ULK2: variants seen among roughly 807,000 people sequenced by gnomAD.
The protein encoded by ULK2 is serine/threonine-protein kinase ULK2.
ULK2 carries 76 observed loss-of-function variants against 127.5 expected under a neutral mutation model. That is an observed-to-expected ratio of 0.60 (90% CI 0.50 to 0.72). The LOEUF (loss-of-function observed/expected upper bound fraction) is 0.72, where lower values mean the gene tolerates loss of function less well. Among genes scored for constraint, ULK2 ranks in the 30% least tolerant of loss-of-function variants. The pLI, the probability that ULK2 is intolerant of heterozygous loss-of-function variation, is 0.00. For missense variants in ULK2, 1,144 were observed against 1,295.9 expected (o/e 0.88, Z 1.80); for synonymous variants, 452 against 461.9 (o/e 0.98, Z 0.28).
chr17:19,780,577 T>C lies in ULK2; in HGVS notation c.2811A>G (p.Lys937=), dbSNP rs946523510. 1 of 1,613,924 alleles carries C rather than the reference T, an allele frequency of 6.2e-7. No homozygotes were observed. The highest frequency in any genetic ancestry group is 8.5e-7 in the Non-Finnish European group (1 of 1,179,940). Residue 937 remains lysine, a synonymous_variant, in exon 25 of 27, where the codon AAA becomes AAG. Coordinates refer to ENST00000395544, the MANE Select transcript of ULK2 (RefSeq NM_014683.4). ...RYKFCITMCK[K]LTEKLNRFFS... ...AGAATCGATTCAGCTTTTCTGTAAG[T>C]TTCTTGCACATGGTGATGCAGAATT...
At position 19,854,804 on chromosome 17, in the gene ULK2, TATATTA is replaced by T. The variant is rs200508751; in HGVS notation, c.226-5036_226-5031del. Reference sequence around the variant, plus strand: ...AAATTCTACCATGTAGGAACTTCCATATATTAAAGACACGGCGGGGGCATGGTGGCT... The same window carrying T: ...AAATTCTACCATGTAGGAACTTCCATAAGACACGGCGGGGGCATGGTGGCT... On this transcript the variant is annotated intron_variant, in intron 3 of 26. Coordinates refer to ENST00000395544, the MANE Select transcript of ULK2 (RefSeq NM_014683.4). Among the ~76,000 whole-genome samples the T allele has an allele frequency of 4.8e-3, 723 of 152,164 alleles. 22 individuals are homozygous for T. In the East Asian group the frequency reaches 0.088, roughly 18 times the overall value.
At chr17:19,790,744 C>T (rs1483787060) in intron 20 of ULK2, among the ~76,000 whole-genome samples, 6 of 152,170 alleles carry the variant, frequency 3.9e-5, no homozygotes, top group Non-Finnish European at 8.8e-5. Context: ...ATAAGCCCCA[C>T]CTATCTGGTG....
At position 19,867,455 on chromosome 17, in the gene ULK2, G is replaced by C; in HGVS notation, c.-38C>G. 1 of 1,540,672 alleles carries C rather than the reference G, an allele frequency of 6.5e-7. No homozygotes were observed. The highest frequency in any genetic ancestry group is 8.8e-7 in the Non-Finnish European group (1 of 1,137,258). ...GGGGCACACAGCGGACGGGCGGGCG[G>C]CGCAGTGCGGCGCAGGTATCAGCAC... On this transcript the variant is annotated 5_prime_UTR_variant, in exon 1 of 27. Coordinates refer to ENST00000395544, the MANE Select transcript of ULK2 (RefSeq NM_014683.4).
rs2087268405 is a variant in ULK2 at position 19,796,235 on chromosome 17, C to T, written c.1857G>A (p.Leu619=). Reference sequence around the variant, plus strand: ...GCCCATGACGAGTAACCAAGGCTAACAGGTTGGAAGATGCTTGAGTTTTAG... The same window carrying T: ...GCCCATGACGAGTAACCAAGGCTAATAGGTTGGAAGATGCTTGAGTTTTAG... ...KIPKTQASSN[L]LALVTRHGPA... is the part of the protein sequence containing the mutation. The change falls in exon 19 of 27, where the codon CTG becomes CTA. Residue 619 remains leucine, a synonymous_variant. Transcript: ENST00000395544. The T allele has an allele frequency of 1.9e-6, 3 of 1,613,942 alleles. No individual in the cohort carries two copies. The highest frequency in any genetic ancestry group is 2.7e-5 in the African/African-American group (2 of 74,876).
chr17:19,852,614 TA>T (rs2042042530), intron 3 of ULK2, among the ~76,000 whole-genome samples: 1 of 151,726 alleles, frequency 6.6e-6, no homozygotes, highest in Non-Finnish European at 1.5e-5. Context: ...TTTTGTAATT[TA>T]AAAAAACAAT....
At chr17:19,826,084 T>C (rs1467612003) in intron 11 of ULK2, 55 bp downstream of exon 11, 3 of 1,045,154 alleles carry the variant, frequency 2.9e-6, no homozygotes, top group Non-Finnish European at 3.9e-6. Flanking sequence ...ATCATTAATT[T>C]TTCCTAAAGC....
chr17:19,834,990 G>GT (rs2041556059), intron 10 of ULK2, among the ~76,000 whole-genome samples: 1 of 151,834 alleles, frequency 6.6e-6, no homozygotes, highest in Non-Finnish European at 1.5e-5. Flanking sequence ...TTAAAAAGAG[G>GT]TAAGACTGTA....
Position 19,781,045 on chromosome 17 carries a change from T to C in ULK2, c.2699A>G (p.His900Arg). 1 of 1,613,962 alleles carries C rather than the reference T, an allele frequency of 6.2e-7. No individual in the cohort carries two copies. Among genetic ancestry groups the C allele is most frequent in the Non-Finnish European group, 8.5e-7 (1 of 1,179,976 alleles). Reference sequence around the variant, plus strand: ...GGACTTGATCTGGGCTTTGGCAAGATGCAGAGAAGCCGCAAGCAGCTGTGC... The same window carrying C: ...GGACTTGATCTGGGCTTTGGCAAGACGCAGAGAAGCCGCAAGCAGCTGTGC... ...KAAQLLAASLHLAKAQIKSGK... is the reference protein window; with the variant it reads ...KAAQLLAASLRLAKAQIKSGK... Residue 900 changes from histidine (H) to arginine (R), a missense_variant, in exon 24 of 27, where the codon CAT (histidine) becomes CGT (arginine). Transcript: ENST00000395544.
intron 16 of ULK2, among the ~76,000 whole-genome samples, chr17:19,801,530 G>A (rs552418226): frequency 6.6e-6 from 1 of 152,128 alleles, no homozygotes; most frequent in Non-Finnish European, 1.5e-5. Flanking sequence ...GCAGTGAGCC[G>A]AGATCATGCC....
At chr17:19,786,348 A>G (rs911706511) in intron 20 of ULK2, among the ~76,000 whole-genome samples, 12 of 152,346 alleles carry the variant, frequency 7.9e-5, no homozygotes, top group African/African-American at 2.6e-4. Context: ...TACTTCTAAA[A>G]TACATGAACT....
intron 3 of ULK2, among the ~76,000 whole-genome samples, chr17:19,859,947 GT>G (rs2042207410): frequency 6.6e-6 from 1 of 152,216 alleles, no homozygotes; most frequent in African/African-American, 2.4e-5. Context: ...AAAGCACTGA[GT>G]TTATGGTGTG....
At chr17:19,811,737 T>C (rs2087645801) in intron 13 of ULK2, among the ~76,000 whole-genome samples, 1 of 152,150 alleles carries the variant, frequency 6.6e-6, no homozygotes, top group Non-Finnish European at 1.5e-5. Flanking sequence ...CCACTGAACC[T>C]GGCCTCAAGT....
intron 12 of ULK2, among the ~76,000 whole-genome samples, chr17:19,821,016 G>A (rs757772302): frequency 1.3e-5 from 2 of 152,034 alleles, no homozygotes; most frequent in Non-Finnish European, 2.9e-5. Context: ...GTTATAAAAC[G>A]AATAAATAGG....
chr17:19,801,715 T>C, intron 16 of ULK2, 62 bp downstream of exon 16: 1 of 1,598,196 alleles, frequency 6.3e-7, no homozygotes, highest in Non-Finnish European at 8.5e-7. Flanking sequence ...AGAAAATGTG[T>C]CATGTCAGAT....
chr17:19,818,216 G>A (rs758663725), intron 12 of ULK2, among the ~76,000 whole-genome samples: 19 of 152,098 alleles, frequency 1.2e-4, no homozygotes, highest in Non-Finnish European at 2.2e-4. Flanking sequence ...CCAGCTACTC[G>A]GGGGGTTGAG....
rs1408517301 is a variant in ULK2 at position 19,771,840 on chromosome 17, CAA to C, written c.*4507_*4508del. On this transcript the variant is annotated 3_prime_UTR_variant, in exon 27 of 27. Coordinates refer to ENST00000395544, the MANE Select transcript of ULK2 (RefSeq NM_014683.4). ...GGCATAGAACACGGTTTCCAATAAACAAGAGCTCATGTGGGCACTTCCTAATG... is the reference window on the plus strand; with the variant it reads ...GGCATAGAACACGGTTTCCAATAAACGAGCTCATGTGGGCACTTCCTAATG... 1 of 152,232 alleles carries C rather than the reference CAA, an allele frequency of 6.6e-6. No individual in the cohort carries two copies. The highest frequency in any genetic ancestry group is 1.5e-5 in the Non-Finnish European group (1 of 68,052). 9.4% of individuals were successfully genotyped at this position (152,232 alleles called of 1,614,324 possible).
chr17:19,788,179 G>A (rs562326197), intron 20 of ULK2, among the ~76,000 whole-genome samples: 1 of 152,184 alleles, frequency 6.6e-6, no homozygotes, highest in African/African-American at 2.4e-5. Context: ...TCCTGGTGCC[G>A]TGCTGGGCTT....
intron 14 of ULK2, among the ~76,000 whole-genome samples, chr17:19,808,765 T>C (rs981589619): frequency 6.6e-6 from 1 of 152,194 alleles, no homozygotes; most frequent in Non-Finnish European, 1.5e-5. Context: ...GCTGTTATTT[T>C]AGAAAATAAC....
chr17:19,780,491 T>C lies in ULK2; in HGVS notation c.2897A>G (p.Tyr966Cys), dbSNP rs1440224919. Residue 966 changes from tyrosine (Y) to cysteine (C), a missense_variant, in exon 25 of 27, where the codon TAT becomes TGT. Physicochemically the swap from Tyr to Cys is radical, Grantham distance 194. This residue lies in a region of ULK2 where 913 missense variants were observed against 970.5 expected (regional missense o/e 0.94). Transcript: ENST00000395544. ...GGTTACCATTTCTACAGCACAATTA[T>C]AGATGAGTTTCTCTGCAGTCACACT... ...INSVTAEKLI[Y>C]NCAVEMVQSA... The C allele has an allele frequency of 1.9e-6, 3 of 1,612,644 alleles. No homozygotes were observed. The highest frequency in any genetic ancestry group is 1.3e-5 in the African/African-American group (1 of 74,876).
Sources: allele counts gnomAD v4.1 joint callset (sites outside exome capture counted in the v4.1 genomes callset), GRCh38; gene constraint gnomAD v4.1.1; regional missense constraint gnomAD v4.1.1; transcripts MANE v1.5; gene names NCBI Gene and HGNC (gene_info 2026-07-23, HGNC 2026-07-21).